The following SMYD3 variants were observed in gnomAD, a reference collection of about 807,000 sequenced individuals.
SMYD3 encodes the protein SET and MYND domain containing 3, also known as histone-lysine N-methyltransferase SMYD3.
In SMYD3, 36 loss-of-function variants were observed where a neutral mutation model predicts 57.7. That is an observed-to-expected ratio of 0.62 (90% CI 0.48 to 0.82). SMYD3 has a LOEUF of 0.82. Among genes scored for constraint, SMYD3 ranks in the 40% least tolerant of loss-of-function variants. SMYD3 has a pLI of 0.00. For missense variants in SMYD3, 515 were observed against 538.8 expected, an observed-to-expected ratio of 0.96 and a Z score of 0.44; for synonymous variants, 211 against 195.0, an observed-to-expected ratio of 1.08 and a Z score of -0.68.
intron 5 of SMYD3, among the ~76,000 whole-genome samples, chr1:246,004,247 ACTC>A (rs1415528686): frequency 6.6e-6 from 1 of 152,186 alleles, no homozygotes; most frequent in African/African-American, 2.4e-5. Flanking sequence ...ACAAAATAAG[ACTC>A]CTCATTTCTG....
chr1:246,431,917 AC>A (rs1431765821), intron 1 of SMYD3, among the ~76,000 whole-genome samples: 1 of 152,162 alleles, frequency 6.6e-6, no homozygotes, highest in Non-Finnish European at 1.5e-5. Flanking sequence ...AAAAACTCTA[AC>A]TTTTATTTAT....
intron 8 of SMYD3, among the ~76,000 whole-genome samples, chr1:245,897,559 A>G (rs1034286496): frequency 1.3e-5 from 2 of 152,188 alleles, no homozygotes; most frequent in African/African-American, 4.8e-5. Context: ...ATGATCTTAG[A>G]TTACCTAATT....
intron 5 of SMYD3, among the ~76,000 whole-genome samples, chr1:245,954,853 G>T (rs977241317): frequency 6.6e-6 from 1 of 152,102 alleles, no homozygotes; most frequent in Non-Finnish European, 1.5e-5. Flanking sequence ...TCTGGTCCCT[G>T]TCTTTTTCCA....
At chr1:246,460,356 A>G (rs1051700930) in intron 1 of SMYD3, among the ~76,000 whole-genome samples, 2 of 152,240 alleles carry the variant, frequency 1.3e-5, no homozygotes, top group Non-Finnish European at 1.5e-5. Flanking sequence ...ACTCAAGCAC[A>G]GTCTAGTCCA....
chr1:245,992,414 A>C (rs1262825297), intron 5 of SMYD3, among the ~76,000 whole-genome samples: 1 of 152,268 alleles, frequency 6.6e-6, no homozygotes, highest in Non-Finnish European at 1.5e-5. Flanking sequence ...ATCAGGTTGA[A>C]GCCTGACTAC....
intron 10 of SMYD3, among the ~76,000 whole-genome samples, chr1:245,808,559 T>C (rs1395259719): frequency 1.3e-5 from 2 of 152,154 alleles, no homozygotes; most frequent in Non-Finnish European, 2.9e-5. Context: ...GGGAGCCGCC[T>C]GGACCGGGTG....
At chr1:246,272,721 T>C (rs1366543377) in intron 5 of SMYD3, among the ~76,000 whole-genome samples, 6 of 152,228 alleles carry the variant, frequency 3.9e-5, no homozygotes, top group Admixed American at 1.3e-4. Context: ...TCAGTGTTCA[T>C]AAGGGATACT....
At chr1:245,866,487 T>G (rs998667749) in intron 8 of SMYD3, among the ~76,000 whole-genome samples, 1 of 151,996 alleles carries the variant, frequency 6.6e-6, no homozygotes, top group African/African-American at 2.4e-5. Context: ...ATCCCACCAC[T>G]TTGGGAGGCC....
At chr1:246,428,364 C>CA (rs1316267853) in intron 1 of SMYD3, among the ~76,000 whole-genome samples, 1 of 151,778 alleles carries the variant, frequency 6.6e-6, no homozygotes, top group Non-Finnish European at 1.5e-5. Context: ...TTGCAAATAA[C>CA]AAAAAAACAG....
chr1:246,402,012 G>A (rs1281266872), intron 1 of SMYD3, among the ~76,000 whole-genome samples: 4 of 152,204 alleles, frequency 2.6e-5, no homozygotes, highest in Admixed American at 6.5e-5. Flanking sequence ...GTGGGCCGCC[G>A]TGCCTGGCCT....
At chr1:246,422,072 CAAGT>C (rs926246456) in intron 1 of SMYD3, among the ~76,000 whole-genome samples, 7 of 152,138 alleles carry the variant, frequency 4.6e-5, no homozygotes, top group African/African-American at 1.7e-4. Context: ...TTAACCATCA[CAAGT>C]AAGGAATGGT....
rs551616117 is a variant in SMYD3 at position 245,994,616 on chromosome 1, T to C, written c.532-64679A>G. On this transcript the variant is annotated intron_variant, in intron 5 of 11. Coordinates refer to ENST00000490107, the MANE Select transcript of SMYD3 (RefSeq NM_001167740.2). Reference sequence around the variant, plus strand: ...ATTTAGGAGGAAAGTTCTACTTCCATGAGGCCTTTGCTTGCCTCATTTCAG... The same window carrying C: ...ATTTAGGAGGAAAGTTCTACTTCCACGAGGCCTTTGCTTGCCTCATTTCAG... Among the ~76,000 whole-genome samples the C allele has an allele frequency of 1.4e-4, 21 of 152,304 alleles. No individual in the cohort carries two copies. In the South Asian group the frequency reaches 3.7e-3, roughly 27 times the overall value.
chr1:246,030,348 TA>T (rs2059648883), intron 5 of SMYD3, among the ~76,000 whole-genome samples: 1 of 152,192 alleles, frequency 6.6e-6, no homozygotes, highest in African/African-American at 2.4e-5. Flanking sequence ...TTCTGGCTCT[TA>T]TGTGGGAGCA....
At chr1:246,448,727 A>G (rs983812617) in intron 1 of SMYD3, among the ~76,000 whole-genome samples, 1 of 151,012 alleles carries the variant, frequency 6.6e-6, no homozygotes, top group African/African-American at 2.4e-5. Context: ...AAAAAAAAAA[A>G]AGGACAAAAT....
intron 10 of SMYD3, among the ~76,000 whole-genome samples, chr1:245,798,380 A>ATACC (rs2047648116): frequency 7.3e-6 from 1 of 136,556 alleles, no homozygotes; most frequent in Non-Finnish European, 1.6e-5. Context: ...ACCTGTCAAC[A>ATACC]CACACACGCG....
chr1:246,446,784 C>A (rs1287314103), intron 1 of SMYD3, among the ~76,000 whole-genome samples: 1 of 152,090 alleles, frequency 6.6e-6, no homozygotes, highest in Non-Finnish European at 1.5e-5. Flanking sequence ...AATCCCAGCA[C>A]TTTGGGAGGC....
intron 5 of SMYD3, among the ~76,000 whole-genome samples, chr1:246,246,492 G>T (rs1254504072): frequency 1.3e-5 from 2 of 152,034 alleles, no homozygotes; most frequent in Non-Finnish European, 2.9e-5. Context: ...TATCATAAGT[G>T]GAGTATATTA....
chr1:245,885,340 C>T (rs1440950010), intron 8 of SMYD3, among the ~76,000 whole-genome samples: 1 of 152,186 alleles, frequency 6.6e-6, no homozygotes, highest in Non-Finnish European at 1.5e-5. Context: ...GGACACACCA[C>T]CATGTTGAAC....
chr1:246,101,071 GTTTT>G (rs754724096), intron 5 of SMYD3, among the ~76,000 whole-genome samples: 59 of 54,120 alleles, frequency 1.1e-3, no homozygotes, highest in Non-Finnish European at 1.2e-3. Context: ...GGGGTTTTTT[GTTTT>G]TTTTTTTTTT....
Sources: gnomAD v4.1 joint callset for allele counts (sites outside exome capture counted in the v4.1 genomes callset) on GRCh38, gnomAD v4.1.1 for gene constraint, MANE v1.5 for transcripts, NCBI Gene and HGNC (gene_info 2026-07-23, HGNC 2026-07-21) for gene names.